The following ACOX3 variants were observed in gnomAD, a reference collection of about 807,000 sequenced individuals.
ACOX3 encodes peroxisomal acyl-coenzyme A oxidase 3.
ACOX3 carries 73 observed loss-of-function variants against 81.5 expected under a neutral mutation model. The observed-to-expected ratio is 0.90, with a 90% CI of 0.74 to 1.09. The LOEUF is 1.09. Among genes scored for constraint, ACOX3 ranks in the 50% least tolerant of loss-of-function variants. The probability of loss-of-function intolerance (pLI) is 0.00; values close to 1 mark genes in which losing one functional copy is unlikely to be tolerated. For missense variants in ACOX3, 947 were observed against 928.0 expected (o/e 1.02, Z -0.27); for synonymous variants, 387 against 375.1 (o/e 1.03, Z -0.37).
chr4:8,433,429 C>T (rs1002776770), intron 1 of ACOX3, among the ~76,000 whole-genome samples: 12 of 152,254 alleles, frequency 7.9e-5, no homozygotes, highest in African/African-American at 2.9e-4. Context: ...GCAACCACTA[C>T]AAACTAGGAG....
At chr4:8,356,792 AAGTG>A in the ACOX3 span, 1 of 456,454 alleles carries the variant, frequency 2.2e-6, no homozygotes, top group South Asian at 1.5e-5. Context: ...GACAGGAAGA[AAGTG>A]AGCAGAATGG....
At chr4:8,395,447 TGA>T (rs1310199295) in intron 9 of ACOX3, among the ~76,000 whole-genome samples, 1 of 151,996 alleles carries the variant, frequency 6.6e-6, no homozygotes, top group Non-Finnish European at 1.5e-5. Context: ...AGGACAAGCC[TGA>T]GAGGATCCTG....
In ACOX3 at chr4:8,397,039, G is replaced by A. The variant is rs774670403; in HGVS notation, c.954C>T (p.Asn318=). 3 of 1,610,498 alleles carry A rather than the reference G, an allele frequency of 1.9e-6. No individual in the cohort carries two copies. The highest frequency in any genetic ancestry group is 3.4e-5 in the Admixed American group (2 of 59,388). Residue 318 remains asparagine, a synonymous_variant, in exon 9 of 18, where the codon AAC becomes AAT. Coordinates refer to ENST00000356406, the MANE Select transcript of ACOX3 (RefSeq NM_003501.3). ...RVSIVSLAIL[N]LKLAVAIALR... ...GAGCGATGGCCACGGCCAGCTTTAG[G>A]TTAAGGATGGCCAGGCTCACGATGG...
In ACOX3 at chr4:8,415,897, T is replaced by G. The variant is rs766637272; in HGVS notation, c.247A>C (p.Lys83Gln). 7 of 1,614,224 alleles carry G rather than the reference T, an allele frequency of 4.3e-6. No individual in the cohort carries two copies. Among genetic ancestry groups the G allele is most frequent in the Non-Finnish European group, 5.9e-6 (7 of 1,180,040 alleles). Residue 83 changes from lysine (K) to glutamine (Q), a missense_variant, in exon 3 of 18, where the codon AAG becomes CAG. Coordinates refer to ENST00000356406, the MANE Select transcript of ACOX3 (RefSeq NM_003501.3). ...KYRELNFLRC[K>Q]RIFEYDFLSV... ...AGGAAGTCATACTCGAAGATCCGCT[T>G]GCATCGAAGGAAGTTCAGCTCGCGA...
At position 8,394,593 on chromosome 4, in the gene ACOX3, C is replaced by T; in HGVS notation, c.1179+27G>A. The T allele has an allele frequency of 6.2e-7, 1 of 1,609,894 alleles. No individual in the cohort carries two copies. The highest frequency in any genetic ancestry group is 8.5e-7 in the Non-Finnish European group (1 of 1,177,728). Reference sequence around the variant, plus strand: ...CCAACCGTGTGAGATTTAAACGATGCTGCTGAGGAAGCAGACACCACCTCA... The same window carrying T: ...CCAACCGTGTGAGATTTAAACGATGTTGCTGAGGAAGCAGACACCACCTCA... On this transcript the variant is annotated intron_variant, in intron 10 of 17. Coordinates refer to ENST00000356406, the MANE Select transcript of ACOX3 (RefSeq NM_003501.3). This position sits in a 1 kb window ranked among gnomAD's most constrained non-coding sequence, Gnocchi z 5.9.
Position 8,425,884 on chromosome 4 carries a change from A to G in ACOX3, c.-14-9349T>C, listed in dbSNP as rs373700652. Among the ~76,000 whole-genome samples the G allele has an allele frequency of 1.1e-4, 16 of 152,222 alleles. No individual in the cohort carries two copies. In the East Asian group the frequency reaches 2.9e-3, roughly 28 times the overall value. The stretch of plus-strand genomic sequence containing the variant: ...CCAGCGAGTATCGCAGACGTTACTT[A>G]GGCATACAATATCACTTACACTGCG... On this transcript the variant is annotated intron_variant, in intron 1 of 17. Coordinates refer to ENST00000356406, the MANE Select transcript of ACOX3 (RefSeq NM_003501.3).
At chr4:8,417,488 G>GC (rs143871055) in intron 1 of ACOX3, among the ~76,000 whole-genome samples, 3,873 of 152,206 alleles carry the variant, frequency 0.025, 158 homozygotes, top group African/African-American at 0.088. Context: ...AAGTACTACT[G>GC]CCCCCCATGA....
intron 1 of ACOX3, among the ~76,000 whole-genome samples, chr4:8,434,846 G>T (rs865813644): frequency 6.6e-6 from 1 of 152,202 alleles, no homozygotes. Flanking sequence ...CTTTGGTTCT[G>T]ATTTTGACTT....
intron 7 of ACOX3, among the ~76,000 whole-genome samples, chr4:8,404,937 A>G (rs1249167977): frequency 6.6e-6 from 1 of 151,716 alleles, no homozygotes; most frequent in Non-Finnish European, 1.5e-5. Context: ...CTCGGGGGAG[A>G]CAGCGTGTGG....
chr4:8,397,160 G>A (rs770209089), intron 8 of ACOX3, 41 bp from the exon 9 acceptor site: 18 of 1,499,276 alleles, frequency 1.2e-5, no homozygotes, highest in Non-Finnish European at 1.5e-5. Context: ...GCCCGGCTGC[G>A]CGGCCACCTT....
At chr4:8,374,603 C>G (rs970972009) in intron 15 of ACOX3, 1 of 195,796 alleles carries the variant, frequency 5.1e-6, no homozygotes, top group African/African-American at 2.3e-5. Context: ...ACCCCCTCCT[C>G]CAGGAAGCCT....
At chr4:8,417,971 T>A (rs554040943) in intron 1 of ACOX3, among the ~76,000 whole-genome samples, 6 of 152,326 alleles carry the variant, frequency 3.9e-5, no homozygotes, top group African/African-American at 1.4e-4. Context: ...AAGACACAGC[T>A]AACAAAACTG....
chr4:8,403,171 G>A (rs1720556696), intron 7 of ACOX3, among the ~76,000 whole-genome samples: 1 of 152,226 alleles, frequency 6.6e-6, no homozygotes, highest in South Asian at 2.1e-4. Flanking sequence ...ACATACTCAG[G>A]AGTTCTTGTA....
In ACOX3 at chr4:8,430,692, C is replaced by T. The variant is rs1260346686; in HGVS notation, c.-15+9956G>A. On this transcript the variant is annotated intron_variant, in intron 1 of 17. Coordinates refer to ENST00000356406, the MANE Select transcript of ACOX3 (RefSeq NM_003501.3). This position sits in a 1 kb window ranked among gnomAD's most constrained non-coding sequence, Gnocchi z 5.2. ...CCAACATGGTGAAACCCCATCTCTACTAAAAATACAAAAATTAGCTGGGCA... is the reference window on the plus strand; with the variant it reads ...CCAACATGGTGAAACCCCATCTCTATTAAAAATACAAAAATTAGCTGGGCA... 6.6e-6 allele frequency among the ~76,000 whole-genome samples: 1 copy of T among 152,108 alleles called. No individual in the cohort carries two copies. Among genetic ancestry groups the T allele is most frequent in the Middle Eastern group, 3.2e-3 (1 of 316 alleles).
At position 8,389,128 on chromosome 4, in the gene ACOX3, A is replaced by T. The variant is rs1329672561; in HGVS notation, c.1537+45T>A. 6.6e-7 allele frequency: 1 copy of T among 1,523,550 alleles called. No individual in the cohort carries two copies. The highest frequency in any genetic ancestry group is 9.1e-7 in the Non-Finnish European group (1 of 1,101,638). The allele number at this position is 1,523,550 out of a possible 1,614,324, so 94.4% of individuals were successfully genotyped here. On this transcript the variant is annotated intron_variant, in intron 13 of 17. Transcript: ENST00000356406. This position sits in a 1 kb window ranked among gnomAD's most constrained non-coding sequence, Gnocchi z 5.3. ...CACGGTGCGTTTCCTGGTGGGAATGACAGGAAATCAGGAGGCCAGGGGAGC... is the reference window on the plus strand; with the variant it reads ...CACGGTGCGTTTCCTGGTGGGAATGTCAGGAAATCAGGAGGCCAGGGGAGC...
downstream of ACOX3, among the ~76,000 whole-genome samples, chr4:8,363,989 G>T (rs1204316601): frequency 2.0e-5 from 3 of 152,066 alleles, no homozygotes; most frequent in African/African-American, 7.2e-5. Flanking sequence ...GTATGGAGTA[G>T]CCATTCTTCT....
intron 15 of ACOX3, 125 bp downstream of exon 15, chr4:8,374,853 G>A (rs1716718601): frequency 1.8e-6 from 2 of 1,088,290 alleles, no homozygotes; most frequent in East Asian, 5.3e-5. Context: ...TCTGTCCACA[G>A]CGCCATCCGC....
At position 8,414,959 on chromosome 4, in the gene ACOX3, G is replaced by T; in HGVS notation, c.379-31C>A. 1 of 1,603,948 alleles carries T rather than the reference G, an allele frequency of 6.2e-7. No individual in the cohort carries two copies. The highest frequency in any genetic ancestry group is 8.5e-7 in the Non-Finnish European group (1 of 1,170,818). Reference sequence around the variant, plus strand: ...AGTATAACATCGTCCTATCAACAGGGGGCAGGTAAGAAGAGTACTGCTCTT... The same window carrying T: ...AGTATAACATCGTCCTATCAACAGGTGGCAGGTAAGAAGAGTACTGCTCTT... On this transcript the variant is annotated intron_variant, in intron 3 of 17. Transcript: ENST00000356406. This position sits in a 1 kb window ranked among gnomAD's most constrained non-coding sequence, Gnocchi z 6.1.
chr4:8,436,495 GA>G, intron 1 of ACOX3: 1 of 152,126 alleles, frequency 6.6e-6, no homozygotes. Context: ...TAAGATCTAG[GA>G]AAAAGGGGAA....
Sources: gnomAD v4.1 joint callset for allele counts (sites outside exome capture counted in the v4.1 genomes callset) on GRCh38, gnomAD v4.1.1 for gene constraint, Gnocchi (gnomAD v3.1) non-coding constraint, MANE v1.5 for transcripts, NCBI Gene and HGNC (gene_info 2026-07-23, HGNC 2026-07-21) for gene names.